Variants in LASP1 observed in about 807,000 individuals in gnomAD.
LASP1 encodes LIM and SH3 domain protein 1.
Under a neutral mutation model 38.6 loss-of-function variants are expected in LASP1, and 10 were observed. The observed-to-expected ratio is 0.26, with a 90% CI of 0.16 to 0.44. The LOEUF (loss-of-function observed/expected upper bound fraction) is 0.44. Ranked by LOEUF, LASP1 falls within the 20% of genes least tolerant of loss-of-function variation. LASP1 has a pLI of 1.00. For missense variants in LASP1, 243 were observed against 375.7 expected (o/e 0.65, Z 2.92); for synonymous variants, 132 against 140.8 (o/e 0.94, Z 0.44).
chr17:38,890,957 G>T (rs751386060), intron 3 of LASP1, among the ~76,000 whole-genome samples: 3 of 152,194 alleles, frequency 2.0e-5, no homozygotes, highest in Non-Finnish European at 4.4e-5. Flanking sequence ...CCCTGCCATG[G>T]GGGCACAGGA....
At chr17:38,905,021 C>T (rs1315442189) in intron 4 of LASP1, among the ~76,000 whole-genome samples, 1 of 152,210 alleles carries the variant, frequency 6.6e-6, no homozygotes, top group Non-Finnish European at 1.5e-5. Flanking sequence ...TCTTGCTTCT[C>T]TTACACACCA....
At chr17:38,897,748 C>G (rs1427382146) in intron 3 of LASP1, among the ~76,000 whole-genome samples, 1 of 152,182 alleles carries the variant, frequency 6.6e-6, no homozygotes, top group African/African-American at 2.4e-5. Flanking sequence ...CGGCAGGCTC[C>G]CAGAATCCGC....
intron 1 of LASP1, among the ~76,000 whole-genome samples, chr17:38,876,996 C>A (rs908102414): frequency 6.6e-6 from 1 of 152,182 alleles, no homozygotes; most frequent in Non-Finnish European, 1.5e-5. Context: ...GCCACCGTGC[C>A]CGGCCGTGTC....
rs140564516 is a variant in LASP1 at position 38,873,719 on chromosome 17, A to G, written c.69+3461A>G. On this transcript the variant is annotated intron_variant, in intron 1 of 6. Coordinates refer to ENST00000318008, the MANE Select transcript of LASP1 (RefSeq NM_006148.4). ...CAGCAAAGATCTATGCCTTTAAGCCAGCGGGTCAGGTGGCCAACCAAGCTA... is the reference window on the plus strand; with the variant it reads ...CAGCAAAGATCTATGCCTTTAAGCCGGCGGGTCAGGTGGCCAACCAAGCTA... Among the ~76,000 whole-genome samples, 1,335 of 152,308 alleles carry G rather than the reference A, an allele frequency of 8.8e-3. 5 individuals carry two copies. The highest frequency in any genetic ancestry group is 0.015 in the Non-Finnish European group (991 of 68,012).
At chr17:38,891,929 TAAA>T (rs796711391) in intron 3 of LASP1, among the ~76,000 whole-genome samples, 105 of 143,582 alleles carry the variant, frequency 7.3e-4, no homozygotes, top group African/African-American at 2.5e-3. Flanking sequence ...ACCTGGTCCC[TAAA>T]AAAAAAAACG....
chr17:38,910,143 C>T (rs966537807), intron 4 of LASP1, among the ~76,000 whole-genome samples: 3 of 152,192 alleles, frequency 2.0e-5, no homozygotes, highest in Admixed American at 1.3e-4. Flanking sequence ...ATAAAATACA[C>T]ATAATTCAGG....
intron 2 of LASP1, among the ~76,000 whole-genome samples, chr17:38,884,064 G>A (rs1914034960): frequency 6.6e-6 from 1 of 151,306 alleles, no homozygotes; most frequent in African/African-American, 2.4e-5. Flanking sequence ...GCTCCTTGTT[G>A]CTTTTGTTGA....
intron 4 of LASP1, among the ~76,000 whole-genome samples, chr17:38,908,712 A>G (rs1386264309): frequency 6.6e-6 from 1 of 152,048 alleles, no homozygotes; most frequent in African/African-American, 2.4e-5. Context: ...CCAGGCCCTT[A>G]CCACTGCCCT....
chr17:38,902,797 G>T (rs1250196662), intron 4 of LASP1, among the ~76,000 whole-genome samples: 1 of 152,142 alleles, frequency 6.6e-6, no homozygotes, highest in Non-Finnish European at 1.5e-5. Context: ...CTGCCTCCCG[G>T]GTTGAAGCGA....
At chr17:38,896,598 G>C (rs1914498519) in intron 3 of LASP1, among the ~76,000 whole-genome samples, 1 of 152,274 alleles carries the variant, frequency 6.6e-6, no homozygotes, top group Non-Finnish European at 1.5e-5. Context: ...AGGGGACGGA[G>C]TGGGGGACTG....
chr17:38,889,671 C>T (rs1805967014), intron 2 of LASP1, among the ~76,000 whole-genome samples: 1 of 152,160 alleles, frequency 6.6e-6, no homozygotes, highest in Admixed American at 6.5e-5. Context: ...AGGAAATGGT[C>T]CCATCCCCAA....
At chr17:38,899,705 G>A (rs1027220083) in intron 4 of LASP1, among the ~76,000 whole-genome samples, 9 of 151,306 alleles carry the variant, frequency 5.9e-5, no homozygotes, top group Admixed American at 1.3e-4. Flanking sequence ...CAGAATGGAA[G>A]CTTTCATGAA....
intron 3 of LASP1, 103 bp downstream of exon 3, chr17:38,890,607 C>T (rs1914286332): frequency 1.0e-6 from 1 of 993,792 alleles, no homozygotes; most frequent in East Asian, 2.4e-5. Flanking sequence ...GGTTACTCTG[C>T]AAGGCCAAGG....
At chr17:38,877,256 C>T (rs73297142) in intron 1 of LASP1, among the ~76,000 whole-genome samples, 4,381 of 152,306 alleles carry the variant, frequency 0.029, 214 homozygotes, top group African/African-American at 0.098. Flanking sequence ...TTGTACACAC[C>T]AGGAAGTGGG....
rs767994718 is a variant in LASP1 at position 38,915,117 on chromosome 17, A to T, written c.583A>T (p.Ile195Leu). 1.9e-6 allele frequency: 3 copies of T among 1,613,928 alleles called. No individual in the cohort carries two copies. Among genetic ancestry groups the T allele is most frequent in the South Asian group, 2.2e-5 (2 of 91,076 alleles). ...CAAGGAGCCTGCAGCCCCAGTCTCC[A>T]TACAGCGCAGCGCCCCAGGTGGTGG... ...GYKEPAAPVS[I>L]QRSAPGGGGK... The change falls in exon 6 of 7, where the codon ATA becomes TTA. Residue 195 changes from isoleucine to leucine, a missense_variant. This residue lies in a region of LASP1 where 165 missense variants were observed against 210.3 expected (regional missense o/e 0.78). Transcript: ENST00000318008.
chr17:38,899,977 G>A (rs1319554716), intron 4 of LASP1, among the ~76,000 whole-genome samples: 8 of 151,718 alleles, frequency 5.3e-5, no homozygotes, highest in Non-Finnish European at 1.0e-4. Flanking sequence ...TGATGTGCCC[G>A]CCTTGGCCTC....
intron 4 of LASP1, among the ~76,000 whole-genome samples, chr17:38,908,016 C>T (rs1257646620): frequency 1.3e-5 from 2 of 152,200 alleles, no homozygotes; most frequent in African/African-American, 4.8e-5. Context: ...GGTGACAGTG[C>T]AGCCCATCAT....
At chr17:38,889,442 G>A (rs1283821882) in intron 2 of LASP1, among the ~76,000 whole-genome samples, 1 of 152,076 alleles carries the variant, frequency 6.6e-6, no homozygotes, top group Non-Finnish European at 1.5e-5. Flanking sequence ...ATTCACTGTT[G>A]TTACTATAGA....
chr17:38,875,028 C>T (rs1218091738), intron 1 of LASP1, among the ~76,000 whole-genome samples: 1 of 145,632 alleles, frequency 6.9e-6, no homozygotes, highest in Non-Finnish European at 1.5e-5. Flanking sequence ...CTTGGAGGTC[C>T]GTGGTCCTAG....
Sources: allele counts gnomAD v4.1 joint callset (sites outside exome capture counted in the v4.1 genomes callset), GRCh38; gene constraint gnomAD v4.1.1; regional missense constraint gnomAD v4.1.1; transcripts MANE v1.5; gene names NCBI Gene and HGNC (gene_info 2026-07-23, HGNC 2026-07-21).